The following AFF2 variants were observed in gnomAD, a reference collection of about 807,000 sequenced individuals.
The protein encoded by AFF2 is ALF transcription elongation factor 2.
Under a neutral mutation model 76.9 loss-of-function variants are expected in AFF2, and 14 were observed. The ratio of observed to expected loss-of-function variants is 0.18; its 90% CI spans 0.12 to 0.28. AFF2 has a LOEUF of 0.28. AFF2 is among the 10% of genes least tolerant of loss of function. The probability of loss-of-function intolerance (pLI) is 1.00; values close to 1 mark genes in which losing one functional copy is unlikely to be tolerated. For synonymous variants in AFF2, 398 were observed against 366.7 expected (o/e 1.09, Z -0.98); for missense variants, 868 against 1,001.1 (o/e 0.87, Z 1.79).
chrX:148,789,933 G>C (rs1306925574), intron 3 of AFF2, among the ~76,000 whole-genome samples: 2 of 111,245 alleles, frequency 1.8e-5, no homozygotes, highest in Non-Finnish European at 3.8e-5. Flanking sequence ...GTATAACCAG[G>C]ATATTCTGAC....
chrX:148,776,552 C>G (rs1024550007), intron 3 of AFF2, among the ~76,000 whole-genome samples: 1 of 112,331 alleles, frequency 8.9e-6, no homozygotes, highest in African/African-American at 3.2e-5. Context: ...GATTGCCATT[C>G]TAACTGGTGT....
intron 1 of AFF2, among the ~76,000 whole-genome samples, chrX:148,551,104 T>G (rs1326666408): frequency 9.0e-6 from 1 of 110,682 alleles, no homozygotes; most frequent in African/African-American, 3.3e-5. Flanking sequence ...AAACAAGTGT[T>G]TCTTTAGTAA....
At chrX:148,968,208 G>A (rs781849119) in intron 15 of AFF2, among the ~76,000 whole-genome samples, 1 of 111,285 alleles carries the variant, frequency 9.0e-6, no homozygotes, top group Non-Finnish European at 1.9e-5. Flanking sequence ...GAAGAGAAAT[G>A]CTGTCATCTG....
At chrX:148,729,935 G>A (rs2055201834) in intron 3 of AFF2, among the ~76,000 whole-genome samples, 1 of 111,767 alleles carries the variant, frequency 8.9e-6, no homozygotes, top group Non-Finnish European at 1.9e-5. Flanking sequence ...AAATAGTGAT[G>A]ATAATTCTTG....
At chrX:148,628,058 G>C (rs1358467960) in intron 1 of AFF2, among the ~76,000 whole-genome samples, 2 of 111,362 alleles carry the variant, frequency 1.8e-5, no homozygotes, top group Non-Finnish European at 3.8e-5. Flanking sequence ...GAAGCCAAAG[G>C]TGGGAAAGGA....
chrX:148,885,956 A>G lies in AFF2; in HGVS notation c.1330A>G (p.Thr444Ala), dbSNP rs143278161. The G allele has an allele frequency of 5.2e-4, 626 of 1,205,049 alleles. 1 individual carries two copies. Among genetic ancestry groups the G allele is most frequent in the Non-Finnish European group, 6.6e-4 (588 of 891,499 alleles). Residue 444 changes from threonine (T) to alanine (A), a missense_variant, in exon 8 of 21, where the codon ACT becomes GCT. Transcript: ENST00000370460. The part of the protein sequence containing the change: ...DDLEPVKTLT[T>A]QCTATELYQA... The stretch of plus-strand genomic sequence containing the variant: ...CCTTGAGCCTGTGAAGACCTTGACC[A>G]CTCAGTGCACTGCCACTGAGCTCTA...
At chrX:148,537,385 A>G (rs1557236726) in intron 1 of AFF2, among the ~76,000 whole-genome samples, 1 of 111,799 alleles carries the variant, frequency 8.9e-6, no homozygotes, top group Non-Finnish European at 1.9e-5. Context: ...AACACCTTCT[A>G]TGTGCTGGGC....
At chrX:148,569,560 A>G (rs1158043751) in intron 1 of AFF2, among the ~76,000 whole-genome samples, 3 of 111,453 alleles carry the variant, frequency 2.7e-5, no homozygotes, top group Admixed American at 9.6e-5. Flanking sequence ...TGCAAAATCT[A>G]TCAAATTCTT....
At chrX:148,940,739 A>G (rs1316105101) in intron 9 of AFF2, among the ~76,000 whole-genome samples, 1 of 111,722 alleles carries the variant, frequency 9.0e-6, no homozygotes, top group Non-Finnish European at 1.9e-5. Flanking sequence ...AGTGTTGAGT[A>G]AGGCTGCCTG....
At chrX:148,506,779 A>G (rs2052424418) in intron 1 of AFF2, among the ~76,000 whole-genome samples, 1 of 111,685 alleles carries the variant, frequency 9.0e-6, no homozygotes, top group Non-Finnish European at 1.9e-5. Context: ...TACCATATGT[A>G]TTAATTGATT....
intron 1 of AFF2, among the ~76,000 whole-genome samples, chrX:148,541,594 T>C: frequency 9.0e-6 from 1 of 111,672 alleles, no homozygotes; most frequent in Non-Finnish European, 1.9e-5. Flanking sequence ...CCTCCCTGAC[T>C]GTCCTTTAAA....
chrX:148,701,665 G>A (rs2054801798), intron 3 of AFF2, among the ~76,000 whole-genome samples: 1 of 112,448 alleles, frequency 8.9e-6, no homozygotes, highest in Admixed American at 9.4e-5. Context: ...GCTTTAGAAT[G>A]TAGTTTTCAG....
At chrX:148,817,260 A>T (rs917258437) in intron 4 of AFF2, among the ~76,000 whole-genome samples, 4 of 111,963 alleles carry the variant, frequency 3.6e-5, no homozygotes, top group African/African-American at 1.3e-4. Context: ...AAAAAGGGAA[A>T]ACACTAATAC....
intron 3 of AFF2, among the ~76,000 whole-genome samples, chrX:148,712,633 T>A (rs2054981511): frequency 8.9e-6 from 1 of 112,249 alleles, no homozygotes; most frequent in African/African-American, 3.2e-5. Context: ...AAACTCAATA[T>A]GCAATGAATT....
intron 18 of AFF2, 47 bp downstream of exon 18, chrX:148,978,502 C>A: frequency 2.3e-6 from 2 of 886,238 alleles, no homozygotes; most frequent in Non-Finnish European, 3.3e-6. Context: ...GATAAAATCA[C>A]TAATAAGACA....
intron 8 of AFF2, among the ~76,000 whole-genome samples, chrX:148,902,476 T>TA (rs1200055251): frequency 3.6e-5 from 4 of 111,403 alleles, no homozygotes; most frequent in South Asian, 3.8e-4. Context: ...AAGGGTTTTT[T>TA]AAAAAAAAGG....
At chrX:148,501,174 A>T (rs199726490) in intron 1 of AFF2, 30 bp downstream of exon 1, 1,449 of 1,205,705 alleles carry the variant, frequency 1.2e-3, no homozygotes, top group Non-Finnish European at 1.6e-3. Flanking sequence ...TTCTCCTTTG[A>T]TGAGCGAGTC....
intron 7 of AFF2, among the ~76,000 whole-genome samples, chrX:148,846,426 G>A (rs1557274757): frequency 8.9e-6 from 1 of 112,002 alleles, no homozygotes; most frequent in Non-Finnish European, 1.9e-5. Flanking sequence ...CTGTTAAAGG[G>A]AATTAAACAA....
intron 3 of AFF2, among the ~76,000 whole-genome samples, chrX:148,714,918 C>T (rs2055010455): frequency 1.8e-5 from 2 of 111,585 alleles, no homozygotes; most frequent in Non-Finnish European, 3.8e-5. Flanking sequence ...AGGTCACAGT[C>T]CCTCCTATTG....
Sources: allele counts gnomAD v4.1 joint callset (sites outside exome capture counted in the v4.1 genomes callset), GRCh38; gene constraint gnomAD v4.1.1; transcripts MANE v1.5; gene names NCBI Gene and HGNC (gene_info 2026-07-23, HGNC 2026-07-21).